The following ADGRA3 variants were observed in gnomAD, a reference collection of about 807,000 sequenced individuals.
ADGRA3 encodes G-protein coupled receptor 125.
ADGRA3 carries 56 observed loss-of-function variants against 119.8 expected under a neutral mutation model. The ratio of observed to expected loss-of-function variants is 0.47; its 90% CI spans 0.38 to 0.58. The LOEUF is 0.58. Ranked by LOEUF, ADGRA3 falls within the 20% of genes least tolerant of loss-of-function variation. ADGRA3 has a pLI of 0.00. For synonymous variants in ADGRA3, 607 were observed against 623.8 expected (o/e 0.97, Z 0.40); for missense variants, 1,516 against 1,649.0 (o/e 0.92, Z 1.40).
rs1228883599 is a variant in ADGRA3 at position 22,413,722 on chromosome 4, G to A, written c.1902C>T (p.Tyr634=). The A allele has an allele frequency of 1.9e-6, 3 of 1,613,804 alleles. No individual in the cohort carries two copies. In the African/African-American group the frequency reaches 4.0e-5, roughly 22 times the overall value. The change falls in exon 13 of 19, where the codon TAC becomes TAT. Residue 634 remains tyrosine (Y), a synonymous_variant. Transcript: ENST00000334304. The part of the protein sequence containing the change: ...RELRPTDDSL[Y]KLQLIAFRNG... ...TGCGGAATGCAATGAGTTGAAGCTT[G>A]TAAAGAGAGTCATCAGTTGGTCTGA...
chr4:22,509,670 C>T (rs1440879450), intron 1 of ADGRA3, among the ~76,000 whole-genome samples: 2 of 151,986 alleles, frequency 1.3e-5, no homozygotes, highest in Admixed American at 1.3e-4. Flanking sequence ...CCCCATATGG[C>T]CCATGCTCCA....
intron 14 of ADGRA3, among the ~76,000 whole-genome samples, chr4:22,405,202 G>C (rs1225562000): frequency 6.6e-6 from 1 of 152,100 alleles, no homozygotes; most frequent in Non-Finnish European, 1.5e-5. Flanking sequence ...AGCCGATTTA[G>C]TTCTCAAAAT....
chr4:22,455,868 C>G (rs1172742195), intron 3 of ADGRA3: 1 of 1,257,968 alleles, frequency 7.9e-7, no homozygotes, highest in South Asian at 1.3e-5. Flanking sequence ...TGCAAGAAAA[C>G]CCTAAAACAA....
chr4:22,446,002 G>A (rs1716816184), intron 5 of ADGRA3, among the ~76,000 whole-genome samples: 1 of 152,072 alleles, frequency 6.6e-6, no homozygotes, highest in African/African-American at 2.4e-5. Flanking sequence ...CAACATGGAG[G>A]GCATCATATA....
chr4:22,438,310 C>T lies in ADGRA3; in HGVS notation c.1031G>A (p.Ser344Asn), dbSNP rs1427630925. 1 of 1,612,502 alleles carries T rather than the reference C, an allele frequency of 6.2e-7. No homozygotes were observed. The highest frequency in any genetic ancestry group is 1.1e-5 in the South Asian group (1 of 91,026). ...TRTVDIVVLE[S>N]SAQYCPPERV... Reference sequence around the variant, plus strand: ...CTCTGGAGGACAGTACTGTGCAGAACTCTCTAATACCACAATATCCACAGT... The same window carrying T: ...CTCTGGAGGACAGTACTGTGCAGAATTCTCTAATACCACAATATCCACAGT... The change falls in exon 8 of 19, where the codon AGT becomes AAT. Residue 344 changes from serine (S) to asparagine (N), a missense_variant. This residue lies in a region of ADGRA3 where 428 missense variants were observed against 541.9 expected (regional missense o/e 0.79). Coordinates refer to ENST00000334304, the MANE Select transcript of ADGRA3 (RefSeq NM_145290.4).
chr4:22,508,071 G>A (rs546033987), intron 1 of ADGRA3, among the ~76,000 whole-genome samples: 3 of 152,244 alleles, frequency 2.0e-5, no homozygotes, highest in African/African-American at 7.2e-5. Context: ...GAACAATTAC[G>A]TACCCACCCA....
chr4:22,468,505 A>C (rs2109112784), intron 2 of ADGRA3, among the ~76,000 whole-genome samples: 1 of 152,290 alleles, frequency 6.6e-6, no homozygotes, highest in South Asian at 2.1e-4. Context: ...GGTGGTTCAC[A>C]CATCTGTAAT....
intron 1 of ADGRA3, among the ~76,000 whole-genome samples, chr4:22,505,114 T>C (rs943657347): frequency 1.4e-4 from 22 of 152,122 alleles, no homozygotes; most frequent in Non-Finnish European, 4.4e-5. Flanking sequence ...ACATCATCAT[T>C]GTCTATCTGT....
intron 2 of ADGRA3, chr4:22,473,162 C>A (rs1395729398): frequency 6.6e-6 from 1 of 152,228 alleles, no homozygotes; most frequent in Admixed American, 6.5e-5. Flanking sequence ...TGGCCTTCCA[C>A]CATGATTGTA....
At chr4:22,514,377 C>T (rs888421919) in intron 1 of ADGRA3, 1 of 152,126 alleles carries the variant, frequency 6.6e-6, no homozygotes, top group Non-Finnish European at 1.5e-5. Context: ...CACATAGACA[C>T]AATTTTCATG....
At chr4:22,455,626 CT>C (rs1457735463) in intron 3 of ADGRA3, among the ~76,000 whole-genome samples, 3 of 152,104 alleles carry the variant, frequency 2.0e-5, no homozygotes, top group Non-Finnish European at 4.4e-5. Flanking sequence ...TCAATGAAAC[CT>C]TTTTCTTTTT....
At chr4:22,515,330 G>A (rs1453648325) in intron 1 of ADGRA3, 198 bp downstream of exon 1, 2 of 513,010 alleles carry the variant, frequency 3.9e-6, no homozygotes, top group South Asian at 4.3e-5. Flanking sequence ...GGAGCTGGGA[G>A]GCAGCTCGGA....
intron 4 of ADGRA3, among the ~76,000 whole-genome samples, chr4:22,454,308 A>T (rs1399536018): frequency 6.6e-6 from 1 of 152,194 alleles, no homozygotes; most frequent in East Asian, 1.9e-4. Flanking sequence ...AGCTACTATT[A>T]ATCCTACTTT....
intron 2 of ADGRA3, among the ~76,000 whole-genome samples, chr4:22,470,171 T>C (rs77330722): frequency 0.095 from 14,487 of 152,144 alleles, 783 homozygotes; most frequent in African/African-American, 0.12. Flanking sequence ...ACAATACATA[T>C]GCATCAGTTA....
In ADGRA3 at chr4:22,511,755, G is replaced by A. The variant is rs142831062; in HGVS notation, c.257+3773C>T. The stretch of plus-strand genomic sequence containing the variant: ...ACCAGACACTTACCTTTGACATTCC[G>A]GTAACACCAACTGCACAGCAGCATA... On this transcript the variant is annotated intron_variant, in intron 1 of 18. Transcript: ENST00000334304. Among the ~76,000 whole-genome samples the A allele has an allele frequency of 4.0e-3, 615 of 152,064 alleles. 4 individuals carry two copies. Among genetic ancestry groups the A allele is most frequent in the African/African-American group, 0.014 (575 of 41,474 alleles).
chr4:22,491,604 T>C (rs1222381489), intron 1 of ADGRA3, among the ~76,000 whole-genome samples: 1 of 152,140 alleles, frequency 6.6e-6, no homozygotes, highest in Non-Finnish European at 1.5e-5. Context: ...ATCCACCAAG[T>C]GATATCTGAT....
intron 2 of ADGRA3, among the ~76,000 whole-genome samples, chr4:22,466,955 A>G (rs1717680849): frequency 6.6e-6 from 1 of 152,204 alleles, no homozygotes; most frequent in South Asian, 2.1e-4. Context: ...ACCTTTCTAT[A>G]AAAATATTTT....
chr4:22,449,539 C>T (rs1007926928), intron 4 of ADGRA3, among the ~76,000 whole-genome samples: 2 of 151,894 alleles, frequency 1.3e-5, no homozygotes, highest in African/African-American at 4.8e-5. Flanking sequence ...AATATCTATC[C>T]TACAAATGTA....
intron 14 of ADGRA3, among the ~76,000 whole-genome samples, chr4:22,405,989 T>C (rs1714903916): frequency 6.6e-6 from 1 of 152,144 alleles, no homozygotes; most frequent in Non-Finnish European, 1.5e-5. Flanking sequence ...TCCCAGCCTC[T>C]GGTATTTTCC....
Sources: allele counts gnomAD v4.1 joint callset (sites outside exome capture counted in the v4.1 genomes callset), GRCh38; gene constraint gnomAD v4.1.1; regional missense constraint gnomAD v4.1.1; transcripts MANE v1.5; gene names NCBI Gene and HGNC (gene_info 2026-07-23, HGNC 2026-07-21).